Variants in CECR2 observed in about 807,000 individuals in gnomAD.
CECR2 encodes chromatin remodeling regulator CECR2.
A neutral mutation model predicts 154.5 loss-of-function variants in CECR2; 30 were observed. The ratio of observed to expected loss-of-function variants is 0.19; its 90% confidence interval spans 0.15 to 0.26. The LOEUF (loss-of-function observed/expected upper bound fraction) is 0.26. CECR2 is among the 10% of genes least tolerant of loss of function. The pLI is 1.00. For missense variants in CECR2, 1,743 were observed against 1,829.3 expected (o/e 0.95, Z 0.86); for synonymous variants, 725 against 683.7 (o/e 1.06, Z -0.94).
intron 2 of CECR2, among the ~76,000 whole-genome samples, chr22:17,482,420 CAT>C (rs2055342354): frequency 6.6e-6 from 1 of 152,128 alleles, no homozygotes; most frequent in Non-Finnish European, 1.5e-5. Context: ...CGAGACAAGA[CAT>C]AGCATATACC....
chr22:17,551,924 GA>G, intron 17 of CECR2, 106 bp from the exon 18 acceptor site: 1 of 1,038,948 alleles, frequency 9.6e-7, no homozygotes, highest in Non-Finnish European at 1.4e-6. Flanking sequence ...TTCCAGGCCT[GA>G]TCACCGGGGT....
chr22:17,410,439 TTTTTG>T (rs1305644440), intron 1 of CECR2, among the ~76,000 whole-genome samples: 2 of 151,934 alleles, frequency 1.3e-5, no homozygotes, highest in African/African-American at 4.8e-5. Context: ...AACAAGCGTT[TTTTTG>T]TTTTGTTTTG....
At chr22:17,410,391 T>C (rs760422196) in intron 1 of CECR2, among the ~76,000 whole-genome samples, 8 of 151,236 alleles carry the variant, frequency 5.3e-5, no homozygotes, top group Non-Finnish European at 8.8e-5. Flanking sequence ...TATAGTTTTC[T>C]TTCATTTACT....
intron 1 of CECR2, among the ~76,000 whole-genome samples, chr22:17,421,610 G>C (rs1601329452): frequency 2.2e-5 from 1 of 44,628 alleles, no homozygotes; most frequent in Non-Finnish European, 3.5e-5. Context: ...GCGAGACTCC[G>C]TCTCAAAAAA....
chr22:17,439,681 A>G (rs986892459), intron 1 of CECR2, among the ~76,000 whole-genome samples: 2 of 152,234 alleles, frequency 1.3e-5, no homozygotes, highest in African/African-American at 4.8e-5. Context: ...GGTAGTACCT[A>G]TTAAAATTTA....
intron 1 of CECR2, among the ~76,000 whole-genome samples, chr22:17,422,892 G>A (rs2518734): frequency 0.34 from 50,854 of 151,624 alleles, 8,883 homozygotes; most frequent in African/African-American, 0.44. Flanking sequence ...CCCTGCTCAT[G>A]CTGCCCACCT....
intron 1 of CECR2, among the ~76,000 whole-genome samples, chr22:17,448,973 G>A (rs2054722631): frequency 6.6e-6 from 1 of 151,932 alleles, no homozygotes; most frequent in African/African-American, 2.4e-5. Flanking sequence ...CTGCCTCCTG[G>A]ATTCAAGTGA....
intron 1 of CECR2, among the ~76,000 whole-genome samples, chr22:17,387,124 C>A (rs2040296005): frequency 6.6e-6 from 1 of 152,108 alleles, no homozygotes; most frequent in Non-Finnish European, 1.5e-5. Context: ...ATAAGCTATT[C>A]AGGTATTTAT....
At chr22:17,532,284 A>G (rs534846058) in intron 9 of CECR2, among the ~76,000 whole-genome samples, 91 of 152,346 alleles carry the variant, frequency 6.0e-4, no homozygotes, top group Middle Eastern at 6.8e-3. Flanking sequence ...TTATTCTCTC[A>G]TAGTCCTGGA....
At chr22:17,376,853 G>A (rs1268839123) in intron 1 of CECR2, among the ~76,000 whole-genome samples, 2 of 152,144 alleles carry the variant, frequency 1.3e-5, no homozygotes, top group African/African-American at 2.4e-5. Flanking sequence ...GGCCAGGCTG[G>A]TCTCAAACTC....
chr22:17,480,328 C>T (rs1202218911), intron 2 of CECR2, among the ~76,000 whole-genome samples: 1 of 151,868 alleles, frequency 6.6e-6, no homozygotes, highest in Admixed American at 6.6e-5. Context: ...GGACAAACCA[C>T]TACTGGTGTG....
At position 17,539,045 on chromosome 22, in the gene CECR2, G is replaced by A. The variant is rs1206729717; in HGVS notation, c.1421G>A (p.Cys474Tyr). 1.9e-6 allele frequency: 3 copies of A among 1,613,664 alleles called. No individual in the cohort carries two copies. The highest frequency in any genetic ancestry group is 1.1e-5 in the South Asian group (1 of 91,080). The change falls in exon 13 of 19, where the codon TGT becomes TAT. Residue 474 changes from cysteine (C) to tyrosine (Y), a missense_variant. Physicochemically the swap from Cys to Tyr is radical, Grantham distance 194 (BLOSUM62 -2). Around this residue, in one of 4 missense-constraint regions of CECR2, gnomAD observed 103 missense variants for 166.8 expected, o/e 0.62. Transcript: ENST00000262608. ...AAGAAACTGAATGGAGGTTTATACT[G>A]TACCAAGGAGGAATTTGTAAATGAC... Reference protein sequence around the residue: ...MEKKLNGGLYCTKEEFVNDMK... With the variant: ...MEKKLNGGLYYTKEEFVNDMK...
chr22:17,514,346 G>T (rs1173583190), intron 8 of CECR2, among the ~76,000 whole-genome samples: 1 of 152,192 alleles, frequency 6.6e-6, no homozygotes, highest in African/African-American at 2.4e-5. Flanking sequence ...AGGGGAGCGT[G>T]TAAGGGCACA....
chr22:17,451,045 C>T (rs73876446), intron 1 of CECR2, among the ~76,000 whole-genome samples: 1 of 152,312 alleles, frequency 6.6e-6, no homozygotes, highest in Non-Finnish European at 1.5e-5. Context: ...GTTCCCACTC[C>T]GTGTCAAAGA....
At chr22:17,381,289 C>A (rs2063185839) in intron 1 of CECR2, among the ~76,000 whole-genome samples, 1 of 152,040 alleles carries the variant, frequency 6.6e-6, no homozygotes, top group African/African-American at 2.4e-5. Flanking sequence ...TTAAAGCAGC[C>A]CCCCAGCCCT....
At chr22:17,363,602 C>G (rs1317493715) in intron 1 of CECR2, among the ~76,000 whole-genome samples, 1 of 152,082 alleles carries the variant, frequency 6.6e-6, no homozygotes, top group Admixed American at 6.6e-5. Context: ...CTTGGCCTCC[C>G]AAAATGCTGG....
At chr22:17,445,513 C>T (rs1004266981) in intron 1 of CECR2, among the ~76,000 whole-genome samples, 1 of 150,796 alleles carries the variant, frequency 6.6e-6, no homozygotes, top group Non-Finnish European at 1.5e-5. Flanking sequence ...ATAGTATTTA[C>T]ATATAACCTA....
intron 1 of CECR2, among the ~76,000 whole-genome samples, chr22:17,388,870 G>A (rs755012487): frequency 1.3e-5 from 2 of 151,988 alleles, no homozygotes; most frequent in Non-Finnish European, 2.9e-5. Flanking sequence ...CTGGAGTGCA[G>A]TGGCACGATC....
At chr22:17,508,958 T>C (rs1372717377) in intron 7 of CECR2, among the ~76,000 whole-genome samples, 2 of 152,210 alleles carry the variant, frequency 1.3e-5, no homozygotes. Flanking sequence ...TTTAAAAATG[T>C]TGACCTGGGG....
Sources: gnomAD v4.1 joint callset for allele counts (sites outside exome capture counted in the v4.1 genomes callset) on GRCh38, gnomAD v4.1.1 for gene constraint, gnomAD v4.1.1 regional missense constraint, MANE v1.5 for transcripts, NCBI Gene and HGNC (gene_info 2026-07-23, HGNC 2026-07-21) for gene names.